Variants in WWOX observed in about 807,000 individuals in gnomAD.
WWOX encodes WW domain-containing oxidoreductase.
In WWOX, 69 loss-of-function variants were observed where a neutral mutation model predicts 46.2. That is an observed-to-expected ratio of 1.49 (90% CI 1.23 to 1.82). The LOEUF is 1.82. WWOX is among the 40% of genes most tolerant of loss of function. WWOX has a pLI of 0.00. For missense variants in WWOX, 919 were observed against 542.6 expected (o/e 1.69, Z -6.89); for synonymous variants, 359 against 202.6 (o/e 1.77, Z -6.56).
intron 8 of WWOX, among the ~76,000 whole-genome samples, chr16:78,668,458 T>C (rs2047384410): frequency 6.6e-6 from 1 of 152,174 alleles, no homozygotes; most frequent in Non-Finnish European, 1.5e-5. Context: ...CCTTTGTATA[T>C]CCACTCATCA....
At chr16:78,353,535 A>G (rs56032802) in intron 5 of WWOX, among the ~76,000 whole-genome samples, 60,361 of 152,126 alleles carry the variant, frequency 0.4, 12,964 homozygotes, top group Non-Finnish European at 0.49. Context: ...CAGGATTAGC[A>G]AGCCAAAGAC....
chr16:78,730,638 T>TTTA (rs36022082), intron 8 of WWOX, among the ~76,000 whole-genome samples: 2 of 147,488 alleles, frequency 1.4e-5, no homozygotes, highest in East Asian at 2.0e-4. Context: ...TTTTTTTTTT[T>TTTA]AAGTAGAGAC....
chr16:78,841,927 C>T (rs1055745981), intron 8 of WWOX, among the ~76,000 whole-genome samples: 2 of 152,100 alleles, frequency 1.3e-5, no homozygotes, highest in Non-Finnish European at 2.9e-5. Flanking sequence ...GTATCCTGAT[C>T]TAATTAATGC....
At chr16:78,533,859 C>G (rs1943518484) in intron 8 of WWOX, among the ~76,000 whole-genome samples, 1 of 152,192 alleles carries the variant, frequency 6.6e-6, no homozygotes, top group African/African-American at 2.4e-5. Context: ...GTTTCCATCT[C>G]TATCATCTCT....
chr16:79,053,815 T>C (rs1262966014), intron 8 of WWOX, among the ~76,000 whole-genome samples: 1 of 152,160 alleles, frequency 6.6e-6, no homozygotes, highest in Admixed American at 6.5e-5. Flanking sequence ...CAAGGTGTGC[T>C]TCAGAAATTT....
intron 8 of WWOX, among the ~76,000 whole-genome samples, chr16:78,648,126 T>C (rs901869572): frequency 2.0e-5 from 3 of 152,230 alleles, no homozygotes; most frequent in Admixed American, 1.3e-4. Flanking sequence ...ACAGGAATTA[T>C]GTTGAAAGGT....
At chr16:78,103,061 C>T (rs575213871) in intron 1 of WWOX, among the ~76,000 whole-genome samples, 1 of 152,268 alleles carries the variant, frequency 6.6e-6, no homozygotes, top group East Asian at 1.9e-4. Flanking sequence ...GGCCCTGGGG[C>T]TCCCTTGCTC....
intron 8 of WWOX, among the ~76,000 whole-genome samples, chr16:78,452,238 G>A (rs181843162): frequency 2.4e-4 from 37 of 152,230 alleles, no homozygotes; most frequent in African/African-American, 5.8e-4. Flanking sequence ...AAGAGATTGC[G>A]TAACACCCTT....
chr16:79,066,330 A>G (rs1382150871), intron 8 of WWOX, among the ~76,000 whole-genome samples: 1 of 152,174 alleles, frequency 6.6e-6, no homozygotes, highest in Non-Finnish European at 1.5e-5. Context: ...TTACTCATGT[A>G]CTTGTTTATT....
At chr16:78,491,165 A>C (rs1233600064) in intron 8 of WWOX, among the ~76,000 whole-genome samples, 1 of 152,084 alleles carries the variant, frequency 6.6e-6, no homozygotes, top group Non-Finnish European at 1.5e-5. Context: ...TTCAAAATCC[A>C]GCTCTTGGCC....
At chr16:79,097,690 T>A (rs1419776037) in intron 8 of WWOX, among the ~76,000 whole-genome samples, 1 of 152,174 alleles carries the variant, frequency 6.6e-6, no homozygotes, top group Non-Finnish European at 1.5e-5. Context: ...TTTAATTCTG[T>A]TTCCAAAAGA....
At chr16:78,476,928 CCTT>C (rs2084364179) in intron 8 of WWOX, among the ~76,000 whole-genome samples, 1 of 152,060 alleles carries the variant, frequency 6.6e-6, no homozygotes, top group Non-Finnish European at 1.5e-5. Context: ...TCCTTTCCGT[CCTT>C]CCTCCTTCAG....
intron 8 of WWOX, among the ~76,000 whole-genome samples, chr16:78,910,400 T>A (rs949792420): frequency 1.3e-5 from 2 of 151,980 alleles, no homozygotes; most frequent in African/African-American, 2.4e-5. Context: ...TTTTTCTGTA[T>A]CAAGTCACCG....
At chr16:78,849,825 C>G (rs1358142634) in intron 8 of WWOX, among the ~76,000 whole-genome samples, 1 of 152,058 alleles carries the variant, frequency 6.6e-6, no homozygotes, top group Non-Finnish European at 1.5e-5. Flanking sequence ...GTAATCCCAG[C>G]ACTTTGGGAG....
At chr16:78,778,015 A>G (rs971790634) in intron 8 of WWOX, among the ~76,000 whole-genome samples, 3 of 143,816 alleles carry the variant, frequency 2.1e-5, no homozygotes, top group African/African-American at 7.7e-5. Flanking sequence ...ACTGCACTCC[A>G]GCCTGGGTGA....
rs73570853 is a variant in WWOX at position 79,056,795 on chromosome 16, T to C, written c.1057-154813T>C. Among the ~76,000 whole-genome samples the C allele has an allele frequency of 1.2e-3, 183 of 152,328 alleles. 3 individuals are homozygous for C. The highest frequency in any genetic ancestry group is 3.7e-3 in the African/African-American group (154 of 41,566). On this transcript the variant is annotated intron_variant, in intron 8 of 8. Coordinates refer to ENST00000566780, the MANE Select transcript of WWOX (RefSeq NM_016373.4). ...ATGTGATCTTGAAAATACGGTGAGA[T>C]TGAACTTGATTTTCTTTAAAGGACA...
At chr16:78,427,652 G>A (rs966475715) in intron 7 of WWOX, among the ~76,000 whole-genome samples, 3 of 152,108 alleles carry the variant, frequency 2.0e-5, no homozygotes, top group African/African-American at 7.2e-5. Flanking sequence ...GGTAGCACAT[G>A]CCTGTAATCC....
chr16:78,910,566 G>T (rs919593644), intron 8 of WWOX, among the ~76,000 whole-genome samples: 1 of 151,182 alleles, frequency 6.6e-6, no homozygotes, highest in East Asian at 1.9e-4. Flanking sequence ...TACTGAGAAA[G>T]ACATACCCAA....
At chr16:78,589,323 G>T (rs1168667403) in intron 8 of WWOX, among the ~76,000 whole-genome samples, 2 of 152,234 alleles carry the variant, frequency 1.3e-5, no homozygotes, top group African/African-American at 4.8e-5. Flanking sequence ...AGTCCTCCTT[G>T]ATGGGGGGAC....
Sources: allele counts gnomAD v4.1 joint callset (sites outside exome capture counted in the v4.1 genomes callset), GRCh38; gene constraint gnomAD v4.1.1; transcripts MANE v1.5; gene names NCBI Gene and HGNC (gene_info 2026-07-23, HGNC 2026-07-21).